Variants in BMERB1 observed in about 807,000 individuals in gnomAD.
BMERB1 encodes bMERB domain containing 1.
BMERB1 carries 12 observed loss-of-function variants against 23.6 expected under a neutral mutation model. That is an observed-to-expected ratio of 0.51 (90% CI 0.33 to 0.82). The LOEUF is 0.82. BMERB1 is among the 40% of genes least tolerant of loss of function. BMERB1 has a pLI of 0.03. For missense variants in BMERB1, 247 were observed against 255.4 expected (o/e 0.97, Z 0.22); for synonymous variants, 122 against 96.6 (o/e 1.26, Z -1.54).
At chr16:15,442,593 G>A (rs910798443) in intron 1 of BMERB1, among the ~76,000 whole-genome samples, 2 of 151,872 alleles carry the variant, frequency 1.3e-5, no homozygotes, top group Non-Finnish European at 1.5e-5. Context: ...GCCTATTCTT[G>A]GACTGATTAG....
chr16:15,434,825 T>A, intron 1 of BMERB1, 66 bp downstream of exon 1: 1 of 1,378,012 alleles, frequency 7.3e-7, no homozygotes, highest in Admixed American at 2.6e-5. Context: ...GCGCGGGTGG[T>A]CGCGGGAGCG....
intron 1 of BMERB1, among the ~76,000 whole-genome samples, chr16:15,454,566 G>A (rs2051067952): frequency 6.6e-6 from 1 of 152,232 alleles, no homozygotes; most frequent in African/African-American, 2.4e-5. Flanking sequence ...GCCAAGGCGG[G>A]TGGATCACTT....
In BMERB1 at chr16:15,563,013, G is replaced by A. The variant is rs566646228; in HGVS notation, c.231-4970G>A. On this transcript the variant is annotated intron_variant, in intron 2 of 5. Coordinates refer to ENST00000300006, the MANE Select transcript of BMERB1 (RefSeq NM_033201.3). ...TTGTTCTTGAGTGGCAAAAGGCAAGGGGTCCTGCTGTGGTTTGTATGTCTG... is the reference window on the plus strand; with the variant it reads ...TTGTTCTTGAGTGGCAAAAGGCAAGAGGTCCTGCTGTGGTTTGTATGTCTG... Among the ~76,000 whole-genome samples the A allele has an allele frequency of 5.9e-5, 9 of 152,292 alleles. No homozygotes were observed. The South Asian group carries it at 1.9e-3, about 32-fold the overall frequency.
At chr16:15,456,240 T>C (rs2051086557) in intron 1 of BMERB1, among the ~76,000 whole-genome samples, 1 of 152,222 alleles carries the variant, frequency 6.6e-6, no homozygotes, top group Non-Finnish European at 1.5e-5. Flanking sequence ...TTTTAAAAAA[T>C]GAATTGGATG....
chr16:15,506,380 T>G (rs573623598), intron 1 of BMERB1, among the ~76,000 whole-genome samples: 1 of 152,162 alleles, frequency 6.6e-6, no homozygotes, highest in South Asian at 2.1e-4. Flanking sequence ...TTTCACCGTG[T>G]TAGCCAAGAT....
chr16:15,563,327 C>T (rs2030477072), intron 2 of BMERB1, among the ~76,000 whole-genome samples: 3 of 152,060 alleles, frequency 2.0e-5, no homozygotes, highest in African/African-American at 4.8e-5. Context: ...TTCACACATT[C>T]TCCTGCCTCA....
chr16:15,454,474 G>A (rs1335623856), intron 1 of BMERB1, among the ~76,000 whole-genome samples: 1 of 152,164 alleles, frequency 6.6e-6, no homozygotes, highest in African/African-American at 2.4e-5. Flanking sequence ...AGCCAAGTGT[G>A]ATGGGGACAC....
At chr16:15,482,676 G>A (rs2051332174) in intron 1 of BMERB1, among the ~76,000 whole-genome samples, 1 of 152,136 alleles carries the variant, frequency 6.6e-6, no homozygotes, top group Admixed American at 6.6e-5. Context: ...GGCGACTTCT[G>A]GGGGCTGCCG....
intron 1 of BMERB1, among the ~76,000 whole-genome samples, chr16:15,461,960 C>A (rs963048359): frequency 2.0e-5 from 3 of 151,866 alleles, no homozygotes; most frequent in African/African-American, 7.3e-5. Flanking sequence ...ACAACAACAG[C>A]AGCAGCAACA....
At chr16:15,449,950 C>T (rs1275811655) in intron 1 of BMERB1, among the ~76,000 whole-genome samples, 1 of 151,170 alleles carries the variant, frequency 6.6e-6, no homozygotes, top group Non-Finnish European at 1.5e-5. Flanking sequence ...TGGGGTCTCA[C>T]TATGTTGCCC....
rs1327121596 is a variant in BMERB1, at chr16:15,456,375, C to T, written c.106+21616C>T. Among the ~76,000 whole-genome samples, 3 of 148,932 alleles carry T rather than the reference C, an allele frequency of 2.0e-5. No individual in the cohort carries two copies. In the East Asian group the frequency reaches 5.9e-4, roughly 29 times the overall value. On this transcript the variant is annotated intron_variant, in intron 1 of 5. Transcript: ENST00000300006. ...TTTTTGAGAGAAAGTCTAGTTCTGT[C>T]ACCCAGGCTGGAGTGCAGTGGTATA...
At chr16:15,437,238 G>A (rs77430549) in intron 1 of BMERB1, among the ~76,000 whole-genome samples, 2,254 of 152,250 alleles carry the variant, frequency 0.015, 61 homozygotes, top group African/African-American at 0.052. Context: ...CTGGGTCCAC[G>A]CAGAATGGAA....
chr16:15,469,199 C>T (rs987904454), intron 1 of BMERB1, among the ~76,000 whole-genome samples: 1 of 152,028 alleles, frequency 6.6e-6, no homozygotes, highest in African/African-American at 2.4e-5. Context: ...CTCCTGGACT[C>T]AAGCAATCCT....
At chr16:15,577,250 C>G (rs928208004) in intron 3 of BMERB1, 2 of 152,200 alleles carry the variant, frequency 1.3e-5, no homozygotes, top group African/African-American at 4.8e-5. Flanking sequence ...GCTCCCTTGA[C>G]TATGTCTACA....
intron 2 of BMERB1, among the ~76,000 whole-genome samples, chr16:15,546,367 C>A (rs2029910157): frequency 6.6e-6 from 1 of 152,056 alleles, no homozygotes; most frequent in African/African-American, 2.4e-5. Flanking sequence ...GTCCTGCTAT[C>A]TGCAGGATTT....
intron 1 of BMERB1, among the ~76,000 whole-genome samples, chr16:15,446,210 G>T (rs866532474): frequency 2.2e-4 from 33 of 151,992 alleles, no homozygotes; most frequent in African/African-American, 8.0e-4. Context: ...GGGCAACATA[G>T]CAAGTCCTCA....
At chr16:15,586,693 C>G (rs756968047) in intron 5 of BMERB1, 24 bp from the exon 6 acceptor site, 23 of 1,567,582 alleles carry the variant, frequency 1.5e-5, no homozygotes, top group Non-Finnish European at 2.0e-5. Flanking sequence ...CTCCCCCTCT[C>G]CCTGTGCCCA....
At chr16:15,568,852 C>A (rs1282112356) in intron 3 of BMERB1, among the ~76,000 whole-genome samples, 1 of 152,074 alleles carries the variant, frequency 6.6e-6, no homozygotes, top group East Asian at 1.9e-4. Flanking sequence ...TATTTGGCAT[C>A]TTCTCCAAAA....
At chr16:15,532,850 C>T (rs759866093) in intron 2 of BMERB1, 6 of 375,440 alleles carry the variant, frequency 1.6e-5, no homozygotes, top group Non-Finnish European at 3.2e-5. Context: ...TGGCCAGATC[C>T]CTGTTTTTTC....
Sources: gnomAD v4.1 joint callset for allele counts (sites outside exome capture counted in the v4.1 genomes callset) on GRCh38, gnomAD v4.1.1 for gene constraint, MANE v1.5 for transcripts, NCBI Gene and HGNC (gene_info 2026-07-23, HGNC 2026-07-21) for gene names.